Variants in OR9Q1 observed in about 807,000 individuals in gnomAD.
The protein encoded by OR9Q1 is olfactory receptor family 9 subfamily Q member 1.
For synonymous variants in OR9Q1, 153 were observed against 148.6 expected, an observed-to-expected ratio of 1.03 and a Z score of -0.22; for missense variants, 374 against 378.8, an observed-to-expected ratio of 0.99 and a Z score of 0.11.
chr11:58,037,185 G>A (rs1345580982), intron 1 of OR9Q1, among the ~76,000 whole-genome samples: 1 of 152,138 alleles, frequency 6.6e-6, no homozygotes, highest in Non-Finnish European at 1.5e-5. Context: ...TTCTCTGAAG[G>A]CTCAGATTAT....
intron 1 of OR9Q1, among the ~76,000 whole-genome samples, chr11:58,035,671 T>G (rs541271341): frequency 1.3e-5 from 2 of 152,300 alleles, no homozygotes; most frequent in African/African-American, 4.8e-5. Context: ...TGCAATATGG[T>G]GCCCCTCATT....
At chr11:58,131,063 A>G (rs1900536) in intron 2 of OR9Q1, among the ~76,000 whole-genome samples, 59,607 of 151,992 alleles carry the variant, frequency 0.39, 12,774 homozygotes, top group East Asian at 0.67. Context: ...CTGGAGTTTG[A>G]ATGCTATAAA....
chr11:58,066,223 G>A (rs1040958409), intron 2 of OR9Q1, among the ~76,000 whole-genome samples: 2 of 152,158 alleles, frequency 1.3e-5, no homozygotes, highest in African/African-American at 4.8e-5. Context: ...CCAGCGCTGT[G>A]TGTAAGGGGT....
At chr11:58,078,990 A>G (rs1344629706) in intron 2 of OR9Q1, among the ~76,000 whole-genome samples, 1 of 152,222 alleles carries the variant, frequency 6.6e-6, no homozygotes, top group Non-Finnish European at 1.5e-5. Flanking sequence ...TTCTTTTTCC[A>G]GGAGACAGCA....
chr11:58,045,122 T>G (rs1461088476), intron 1 of OR9Q1: 1 of 152,244 alleles, frequency 6.6e-6, no homozygotes, highest in Non-Finnish European at 1.5e-5. Context: ...AGATATTTCC[T>G]TATGCATATG....
intron 1 of OR9Q1, among the ~76,000 whole-genome samples, chr11:58,034,411 T>G (rs1380377537): frequency 2.0e-5 from 3 of 152,096 alleles, no homozygotes; most frequent in Non-Finnish European, 2.9e-5. Context: ...TAATTGCCTG[T>G]GAACTAATAA....
intron 2 of OR9Q1, among the ~76,000 whole-genome samples, chr11:58,141,607 T>C (rs1414644523): frequency 6.6e-6 from 1 of 152,210 alleles, no homozygotes; most frequent in African/African-American, 2.4e-5. Context: ...GATGTGCTGC[T>C]GGATTCGGTT....
In OR9Q1 at chr11:58,053,636, A is replaced by ATATATAAAAAT. The variant is rs1554965517; in HGVS notation, c.-92-2228_-92-2227insAAAATTATATA. Among the ~76,000 whole-genome samples the ATATATAAAAAT allele has an allele frequency of 6.7e-3, 945 of 140,220 alleles. 22 individuals are homozygous for ATATATAAAAAT. The highest frequency in any genetic ancestry group is 0.024 in the African/African-American group (894 of 37,502). The allele number at this position is 140,220 out of a possible 152,430, so 92.0% of individuals were successfully genotyped here. A position where few individuals can be genotyped will look rare whatever the true frequency, so the allele number is the denominator to read the frequency against. On this transcript the variant is annotated intron_variant, in intron 1 of 2. Coordinates refer to ENST00000335397, the MANE Select transcript of OR9Q1 (RefSeq NM_001005212.4). The stretch of plus-strand genomic sequence containing the variant: ...AAATATATATATATATAAAATATAT[A>ATATATAAAAAT]TATATATAAATTATATATATATAAA...
chr11:58,170,684 G>A (rs898633877), intron 2 of OR9Q1, among the ~76,000 whole-genome samples: 7 of 152,128 alleles, frequency 4.6e-5, no homozygotes, highest in African/African-American at 1.4e-4. Context: ...AGTCTCATGA[G>A]ATCTGATGGT....
chr11:58,137,849 GTATT>G (rs1309830104), intron 2 of OR9Q1, among the ~76,000 whole-genome samples: 1 of 152,120 alleles, frequency 6.6e-6, no homozygotes, highest in East Asian at 1.9e-4. Context: ...ACCTAGAACA[GTATT>G]TATCATACAG....
chr11:58,120,368 CAT>C (rs1854016361), intron 2 of OR9Q1, among the ~76,000 whole-genome samples: 2 of 151,928 alleles, frequency 1.3e-5, no homozygotes, highest in South Asian at 2.1e-4. Context: ...CTATTTGTAA[CAT>C]AGAAAAATAT....
chr11:58,150,658 T>C (rs1854342073), intron 2 of OR9Q1, among the ~76,000 whole-genome samples: 1 of 152,198 alleles, frequency 6.6e-6, no homozygotes, highest in Non-Finnish European at 1.5e-5. Context: ...GATGCTGGTG[T>C]AAACAAACCT....
intron 2 of OR9Q1, among the ~76,000 whole-genome samples, chr11:58,071,037 A>G (rs140188315): frequency 4.8e-4 from 73 of 152,282 alleles, no homozygotes; most frequent in Middle Eastern, 3.4e-3. Context: ...TCTGATCCAA[A>G]CAAGGAGAAG....
chr11:58,109,592 C>T (rs1361287473), intron 2 of OR9Q1: 1 of 457,250 alleles, frequency 2.2e-6, no homozygotes, highest in Non-Finnish European at 4.4e-6. Flanking sequence ...AGTGGAACTG[C>T]CAGTTCAGGG....
chr11:58,111,951 T>C (rs967813020), intron 2 of OR9Q1, among the ~76,000 whole-genome samples: 3 of 152,156 alleles, frequency 2.0e-5, no homozygotes, highest in South Asian at 2.1e-4. Context: ...GACTAGATGA[T>C]CTTCCAGTAC....
At chr11:58,047,930 A>G (rs1460628342) in intron 1 of OR9Q1, among the ~76,000 whole-genome samples, 1 of 152,030 alleles carries the variant, frequency 6.6e-6, no homozygotes, top group African/African-American at 2.4e-5. Flanking sequence ...TCCCATATCT[A>G]TGCTTGTTTG....
intron 2 of OR9Q1, among the ~76,000 whole-genome samples, chr11:58,095,259 G>T (rs1853719059): frequency 1.3e-5 from 2 of 152,190 alleles, no homozygotes. Flanking sequence ...CATCTTCCAT[G>T]CTATGGCATG....
chr11:58,151,202 A>G (rs189386627), intron 2 of OR9Q1, among the ~76,000 whole-genome samples: 1 of 152,334 alleles, frequency 6.6e-6, no homozygotes, highest in African/African-American at 2.4e-5. Flanking sequence ...GATCCTTAAT[A>G]CAATGAGAGG....
intron 2 of OR9Q1, among the ~76,000 whole-genome samples, chr11:58,075,798 A>G (rs1000883580): frequency 6.6e-6 from 1 of 152,220 alleles, no homozygotes; most frequent in African/African-American, 2.4e-5. Flanking sequence ...ATGGCATGGG[A>G]TGCAGGTAAT....
Sources: allele counts gnomAD v4.1 joint callset (sites outside exome capture counted in the v4.1 genomes callset), GRCh38; gene constraint gnomAD v4.1.1; transcripts MANE v1.5; gene names NCBI Gene and HGNC (gene_info 2026-07-23, HGNC 2026-07-21).